MAGI2: variants seen among roughly 807,000 people sequenced by gnomAD.
MAGI2 encodes membrane associated guanylate kinase, WW and PDZ domain containing 2.
A neutral mutation model predicts 133.3 loss-of-function variants in MAGI2; 35 were observed. The observed-to-expected ratio is 0.26, with a 90% CI of 0.20 to 0.35. MAGI2 has a LOEUF of 0.35. MAGI2 is among the 10% of genes least tolerant of loss of function. MAGI2 has a pLI of 1.00. For synonymous variants in MAGI2, 729 were observed against 710.6 expected (o/e 1.03, Z -0.41); for missense variants, 1,636 against 1,863.4 (o/e 0.88, Z 2.25).
chr7:78,830,969 G>A lies in MAGI2; in HGVS notation c.418+176121C>T, dbSNP rs557364761. ...TTGGGGAAGAGTATGGCAGTCTTTA[G>A]ATAAAGGGGGACTAAGATAGGACAT... On this transcript the variant is annotated intron_variant, in intron 2 of 21. Transcript: ENST00000354212. Among the ~76,000 whole-genome samples the A allele has an allele frequency of 2.6e-5, 4 of 152,266 alleles. No individual in the cohort carries two copies. The South Asian group carries it at 8.3e-4, about 32-fold the overall frequency.
At chr7:78,688,961 A>G (rs962191884) in intron 2 of MAGI2, among the ~76,000 whole-genome samples, 10 of 152,216 alleles carry the variant, frequency 6.6e-5, no homozygotes, top group African/African-American at 2.4e-4. Flanking sequence ...AGTCCAGGAA[A>G]GTTAACATTA....
At chr7:79,325,424 C>T (rs1285258369) in intron 1 of MAGI2, among the ~76,000 whole-genome samples, 3 of 152,114 alleles carry the variant, frequency 2.0e-5, no homozygotes, top group Non-Finnish European at 4.4e-5. Flanking sequence ...TCTATTTCTT[C>T]TAGAGTATTT....
intron 1 of MAGI2, among the ~76,000 whole-genome samples, chr7:79,009,793 C>T (rs1807859639): frequency 6.6e-6 from 1 of 152,040 alleles, no homozygotes; most frequent in Admixed American, 6.6e-5. Flanking sequence ...CATATTCTGA[C>T]CATGAAGTGA....
chr7:79,208,938 C>T (rs1393678194), intron 1 of MAGI2, among the ~76,000 whole-genome samples: 1 of 151,992 alleles, frequency 6.6e-6, no homozygotes, highest in Non-Finnish European at 1.5e-5. Flanking sequence ...ACAAATATTA[C>T]ATGATCTTAC....
At chr7:78,740,121 A>G (rs1013145599) in intron 2 of MAGI2, among the ~76,000 whole-genome samples, 1 of 151,760 alleles carries the variant, frequency 6.6e-6, no homozygotes, top group African/African-American at 2.4e-5. Context: ...AGATCGCGCC[A>G]CTGCACTCCA....
intron 9 of MAGI2, among the ~76,000 whole-genome samples, chr7:78,294,967 TCAGAA>T (rs1026750989): frequency 3.5e-5 from 5 of 144,828 alleles, no homozygotes; most frequent in Admixed American, 2.1e-4. Flanking sequence ...TTCTAACTCA[TCAGAA>T]CAGAACATAT....
intron 2 of MAGI2, among the ~76,000 whole-genome samples, chr7:78,685,649 T>C (rs1816211133): frequency 6.7e-6 from 1 of 148,516 alleles, no homozygotes. Context: ...CCTATATATA[T>C]ATGTGTGTGT....
intron 9 of MAGI2, among the ~76,000 whole-genome samples, chr7:78,309,541 G>C (rs1252594027): frequency 6.6e-6 from 1 of 152,114 alleles, no homozygotes; most frequent in African/African-American, 2.4e-5. Flanking sequence ...CTACTGGAGG[G>C]AAAGGACTGA....
At chr7:79,031,005 T>C in intron 1 of MAGI2, among the ~76,000 whole-genome samples, 1 of 152,182 alleles carries the variant, frequency 6.6e-6, no homozygotes, top group East Asian at 1.9e-4. Context: ...TTCTATATTT[T>C]TATACATCTG....
At chr7:78,108,208 TC>T (rs1366256077) in intron 20 of MAGI2, among the ~76,000 whole-genome samples, 2 of 152,166 alleles carry the variant, frequency 1.3e-5, no homozygotes, top group Non-Finnish European at 2.9e-5. Flanking sequence ...TTTTTAATTT[TC>T]TTATTAATTT....
chr7:79,392,681 C>A (rs2364912), intron 1 of MAGI2, among the ~76,000 whole-genome samples: 22,732 of 152,050 alleles, frequency 0.15, 1,889 homozygotes, highest in East Asian at 0.29. Flanking sequence ...CTGTTCATAA[C>A]CTTTGCCCAC....
At chr7:78,992,232 T>C (rs565165591) in intron 2 of MAGI2, among the ~76,000 whole-genome samples, 51 of 152,150 alleles carry the variant, frequency 3.4e-4, no homozygotes, top group Non-Finnish European at 6.9e-4. Context: ...TTTACCCATC[T>C]GTAAAATGAG....
At chr7:79,339,867 C>T (rs941315489) in intron 1 of MAGI2, among the ~76,000 whole-genome samples, 5 of 152,068 alleles carry the variant, frequency 3.3e-5, no homozygotes, top group Admixed American at 6.6e-5. Context: ...AGAAATCAAA[C>T]GCCAGCCTGA....
At chr7:78,823,182 G>T (rs1332575676) in intron 2 of MAGI2, among the ~76,000 whole-genome samples, 1 of 152,146 alleles carries the variant, frequency 6.6e-6, no homozygotes, top group African/African-American at 2.4e-5. Context: ...TTCGTAGTAG[G>T]TAGATCCCTA....
chr7:78,156,818 A>C (rs564068338), intron 16 of MAGI2, among the ~76,000 whole-genome samples: 19 of 150,046 alleles, frequency 1.3e-4, no homozygotes, highest in African/African-American at 4.6e-4. Flanking sequence ...CACGAAAAAA[A>C]AAACAAACCC....
chr7:78,983,476 A>G (rs113109651), intron 2 of MAGI2, among the ~76,000 whole-genome samples: 18 of 152,066 alleles, frequency 1.2e-4, no homozygotes, highest in African/African-American at 4.3e-4. Context: ...GGATATTACA[A>G]TAGTACTTTT....
intron 1 of MAGI2, among the ~76,000 whole-genome samples, chr7:79,203,753 C>G (rs779325707): frequency 6.6e-5 from 10 of 152,036 alleles, no homozygotes; most frequent in Admixed American, 6.6e-5. Context: ...GCCACCAACG[C>G]ACCAATGTAA....
intron 1 of MAGI2, among the ~76,000 whole-genome samples, chr7:79,121,127 A>T (rs1253547844): frequency 1.3e-5 from 2 of 152,174 alleles, no homozygotes; most frequent in African/African-American, 4.8e-5. Flanking sequence ...CTAATAAGGG[A>T]GTAAAAGAAC....
At chr7:79,020,110 C>T (rs1425002455) in intron 1 of MAGI2, among the ~76,000 whole-genome samples, 3 of 152,124 alleles carry the variant, frequency 2.0e-5, no homozygotes, top group Non-Finnish European at 4.4e-5. Flanking sequence ...GAGGTAGTCT[C>T]AGTTGGAGAT....
Sources: allele counts gnomAD v4.1 joint callset (sites outside exome capture counted in the v4.1 genomes callset), GRCh38; gene constraint gnomAD v4.1.1; transcripts MANE v1.5; gene names NCBI Gene and HGNC (gene_info 2026-07-23, HGNC 2026-07-21).